PJA2: variants seen among roughly 807,000 people sequenced by gnomAD.
PJA2 encodes praja ring finger ubiquitin ligase 2, also known as E3 ubiquitin-protein ligase Praja-2.
PJA2 carries 25 observed loss-of-function variants against 69.3 expected under a neutral mutation model. The ratio of observed to expected loss-of-function variants is 0.36; its 90% CI spans 0.26 to 0.50. The LOEUF is 0.50. Among genes scored for constraint, PJA2 ranks in the 20% least tolerant of loss-of-function variants. PJA2 has a pLI of 0.96. For synonymous variants in PJA2, 308 were observed against 277.8 expected, an observed-to-expected ratio of 1.11 and a Z score of -1.08; for missense variants, 809 against 830.2, an observed-to-expected ratio of 0.97 and a Z score of 0.31.
intron 4 of PJA2, among the ~76,000 whole-genome samples, chr5:109,372,820 G>T (rs1320759351): frequency 6.8e-6 from 1 of 147,700 alleles, no homozygotes; most frequent in Admixed American, 6.9e-5. Context: ...CAGGAGAATC[G>T]CTTGAACCTG....
intron 3 of PJA2, 117 bp from the exon 4 acceptor site, chr5:109,379,371 A>T (rs1360050873): frequency 5.5e-6 from 4 of 733,898 alleles, no homozygotes; most frequent in Non-Finnish European, 8.7e-6. Flanking sequence ...TACATGAGTA[A>T]ATTTATTTAC....
intron 1 of PJA2, among the ~76,000 whole-genome samples, chr5:109,396,762 GAAAA>G (rs57999992): frequency 2.3e-5 from 2 of 87,854 alleles, no homozygotes; most frequent in Non-Finnish European, 4.3e-5. Context: ...ACCAAAAAAA[GAAAA>G]AAAAAAAAAA....
chr5:109,394,389 A>G (rs1371959378), intron 1 of PJA2, among the ~76,000 whole-genome samples: 1 of 152,110 alleles, frequency 6.6e-6, no homozygotes, highest in African/African-American at 2.4e-5. Context: ...TATTGACTTC[A>G]GCCTGTGCTA....
At chr5:109,406,231 G>A (rs927803645) in intron 1 of PJA2, among the ~76,000 whole-genome samples, 7 of 152,010 alleles carry the variant, frequency 4.6e-5, no homozygotes, top group Admixed American at 6.6e-5. Flanking sequence ...TAGTAGAGAT[G>A]GGGCTTCACC....
At chr5:109,355,798 A>T in intron 7 of PJA2, 117 bp downstream of exon 7, 1 of 649,876 alleles carries the variant, frequency 1.5e-6, no homozygotes, top group Non-Finnish European at 2.6e-6. Context: ...AATAACTGTT[A>T]CTAAACTGAT....
At chr5:109,342,840 GC>G (rs1376415898) in intron 9 of PJA2, among the ~76,000 whole-genome samples, 1 of 28,360 alleles carries the variant, frequency 3.5e-5, no homozygotes, top group African/African-American at 1.2e-4. Flanking sequence ...TGGGGGGTCA[GC>G]CCCCCGCCCG....
At chr5:109,358,878 G>A (rs1762465443) in intron 6 of PJA2, among the ~76,000 whole-genome samples, 2 of 152,132 alleles carry the variant, frequency 1.3e-5, no homozygotes, top group South Asian at 4.1e-4. Flanking sequence ...ACTAATAGAT[G>A]CTAAAACTAG....
At chr5:109,352,603 A>G (rs747101676) in intron 7 of PJA2, among the ~76,000 whole-genome samples, 24 of 152,246 alleles carry the variant, frequency 1.6e-4, no homozygotes, top group South Asian at 2.1e-4. Context: ...CCTAGTATAG[A>G]GTATTTCTGC....
intron 9 of PJA2, among the ~76,000 whole-genome samples, chr5:109,341,401 G>A (rs886373371): frequency 5.3e-5 from 7 of 131,496 alleles, no homozygotes; most frequent in African/African-American, 1.5e-4. Flanking sequence ...ACCCTCTGCC[G>A]GGCAACCACC....
chr5:109,347,564 C>G (rs1445524903), intron 7 of PJA2, among the ~76,000 whole-genome samples: 2 of 152,214 alleles, frequency 1.3e-5, no homozygotes, highest in Admixed American at 1.3e-4. Flanking sequence ...AGCAGAGTAC[C>G]TAGGGGCTTG....
intron 7 of PJA2, among the ~76,000 whole-genome samples, chr5:109,347,229 C>T (rs2126988678): frequency 6.6e-6 from 1 of 152,374 alleles, no homozygotes. Context: ...GCTCCAAATA[C>T]ACCTTTCATT....
rs1268717320 is a variant in PJA2 at position 109,367,464 on chromosome 5, A to T, written c.1469+1097T>A. 2.0e-5 allele frequency among the ~76,000 whole-genome samples: 3 copies of T among 152,192 alleles called. No homozygotes were observed. The East Asian group carries it at 5.8e-4, about 29-fold the overall frequency. ...TTAGAACCAATTATCATAGAAAAAA[A>T]TTAAATTATCAAAAAGATATTCTAC... On this transcript the variant is annotated intron_variant, in intron 5 of 9. Transcript: ENST00000361189.
rs1466183621 is a variant in PJA2, at chr5:109,379,142, G to T, written c.345C>A (p.Ser115Arg). ...CGSALNQTTE[S>R]SQSFVAVHHS... ...GATGTACTGCAACAAAGGATTGACT[G>T]CTCTCAGTGGTTTGATTCAATGCTG... Residue 115 changes from serine to arginine, a missense_variant, in exon 4 of 10, where the codon AGC becomes AGA. By Grantham distance (110) the Ser-to-Arg change is moderately radical (BLOSUM62 -1). Around this residue, in one of 4 missense-constraint regions of PJA2, gnomAD observed 700 missense variants for 639.5 expected, o/e 1.09. Coordinates refer to ENST00000361189, the MANE Select transcript of PJA2 (RefSeq NM_014819.5). The T allele has an allele frequency of 6.2e-7, 1 of 1,613,886 alleles. No homozygotes were observed. The highest frequency in any genetic ancestry group is 8.5e-7 in the Non-Finnish European group (1 of 1,179,986).
At chr5:109,395,228 A>G (rs1352334901) in intron 1 of PJA2, among the ~76,000 whole-genome samples, 1 of 152,210 alleles carries the variant, frequency 6.6e-6, no homozygotes, top group Non-Finnish European at 1.5e-5. Context: ...AAATAAAAAT[A>G]TAACTTAAAA....
intron 5 of PJA2, 144 bp downstream of exon 5, chr5:109,368,417 C>T (rs1561352377): frequency 3.2e-6 from 2 of 616,914 alleles, no homozygotes; most frequent in East Asian, 5.8e-5. Flanking sequence ...TTTAAAATAC[C>T]AAAAGCATAA....
intron 9 of PJA2, among the ~76,000 whole-genome samples, chr5:109,340,619 C>CGGGTCCCT (rs547793147): frequency 0.013 from 7 of 524 alleles, no homozygotes; most frequent in Non-Finnish European, 0.022. Context: ...TTATTGGGTC[C>CGGGTCCCT]CTCCCCCTCC....
At chr5:109,374,946 GTCTAAT>G (rs1198859960) in intron 4 of PJA2, among the ~76,000 whole-genome samples, 1 of 152,054 alleles carries the variant, frequency 6.6e-6, no homozygotes, top group East Asian at 1.9e-4. Context: ...TAGCTCTTTG[GTCTAAT>G]TCTAAGTCTG....
At chr5:109,342,536 T>A (rs1375427631) in intron 9 of PJA2, among the ~76,000 whole-genome samples, 3 of 28,016 alleles carry the variant, frequency 1.1e-4, no homozygotes, top group Admixed American at 4.0e-4. Context: ...GGGGGTCAGC[T>A]CCCCCACCCG....
At chr5:109,337,524 T>C (rs1761969562) in intron 9 of PJA2, among the ~76,000 whole-genome samples, 168 bp from the exon 10 acceptor site, 1 of 152,188 alleles carries the variant, frequency 6.6e-6, no homozygotes, top group Non-Finnish European at 1.5e-5. Flanking sequence ...TACCTTTTCC[T>C]CCCTGCCCAA....
Sources: allele counts gnomAD v4.1 joint callset (sites outside exome capture counted in the v4.1 genomes callset), GRCh38; gene constraint gnomAD v4.1.1; regional missense constraint gnomAD v4.1.1; transcripts MANE v1.5; gene names NCBI Gene and HGNC (gene_info 2026-07-23, HGNC 2026-07-21).